The following PTPRD variants were observed in gnomAD, a reference collection of about 807,000 sequenced individuals.
PTPRD encodes the protein protein tyrosine phosphatase receptor type D.
PTPRD carries 34 observed loss-of-function variants against 214.5 expected under a neutral mutation model. That is an observed-to-expected ratio of 0.16 (90% CI 0.12 to 0.21). The LOEUF (loss-of-function observed/expected upper bound fraction) is 0.21, where lower values mean the gene tolerates loss of function less well. Ranked by LOEUF, PTPRD falls within the 10% of genes least tolerant of loss-of-function variation. The pLI is 1.00. For synonymous variants in PTPRD, 1,128 were observed against 845.7 expected (o/e 1.33, Z -5.79); for missense variants, 2,545 against 2,398.7 (o/e 1.06, Z -1.27).
At chr9:9,869,327 A>G (rs2064840713) in intron 5 of PTPRD, among the ~76,000 whole-genome samples, 2 of 152,288 alleles carry the variant, frequency 1.3e-5, no homozygotes, top group South Asian at 4.1e-4. Flanking sequence ...TAAAACCACT[A>G]ATAAAACAAT....
chr9:9,897,612 A>T (rs2153799274), intron 5 of PTPRD, among the ~76,000 whole-genome samples: 1 of 152,204 alleles, frequency 6.6e-6, no homozygotes, highest in South Asian at 2.1e-4. Flanking sequence ...TTTCTGACTG[A>T]GAATATATAC....
intron 9 of PTPRD, among the ~76,000 whole-genome samples, chr9:9,331,692 G>A (rs527517153): frequency 2.0e-5 from 3 of 152,034 alleles, no homozygotes; most frequent in Non-Finnish European, 2.9e-5. Flanking sequence ...AACATTTACA[G>A]AATAGAAGTC....
intron 12 of PTPRD, among the ~76,000 whole-genome samples, chr9:8,716,096 A>C (rs2098431848): frequency 6.6e-6 from 1 of 152,208 alleles, no homozygotes; most frequent in Admixed American, 6.5e-5. Flanking sequence ...CAACCAAGCT[A>C]TTTAATTGCG....
intron 30 of PTPRD, among the ~76,000 whole-genome samples, chr9:8,483,340 T>TC (rs1222803820): frequency 3.3e-5 from 5 of 152,298 alleles, no homozygotes; most frequent in South Asian, 2.1e-4. Context: ...TTATCTAATT[T>TC]CCCCCCCTTT....
intron 8 of PTPRD, among the ~76,000 whole-genome samples, chr9:9,446,072 T>C (rs2090297406): frequency 6.6e-6 from 1 of 152,224 alleles, no homozygotes; most frequent in Non-Finnish European, 1.5e-5. Flanking sequence ...AAGATTATTT[T>C]ATGAAAGCCA....
In PTPRD at chr9:8,811,954, G is replaced by C. The variant is rs572036088; in HGVS notation, c.-103-78008C>G. ...AGGCCTGAGTGAAGATCTGCACAGG[G>C]AAGCTTCGAGGAGATCAACACAGAT... On this transcript the variant is annotated intron_variant, in intron 11 of 45. Transcript: ENST00000381196. 2.7e-5 allele frequency among the ~76,000 whole-genome samples: 4 copies of C among 150,786 alleles called. No individual in the cohort carries two copies. In the East Asian group the frequency reaches 7.9e-4, roughly 30 times the overall value.
At chr9:9,426,010 T>C (rs1279057105) in intron 8 of PTPRD, among the ~76,000 whole-genome samples, 3 of 152,016 alleles carry the variant, frequency 2.0e-5, no homozygotes, top group Non-Finnish European at 4.4e-5. Flanking sequence ...TTTCTGCATT[T>C]CCAACTGAGG....
chr9:9,969,338 C>G (rs2094932443), intron 4 of PTPRD, among the ~76,000 whole-genome samples: 1 of 152,118 alleles, frequency 6.6e-6, no homozygotes, highest in Non-Finnish European at 1.5e-5. Context: ...ATTAAACTCT[C>G]TCTTTCCTCC....
At chr9:10,102,065 A>G (rs1192593267) in intron 3 of PTPRD, among the ~76,000 whole-genome samples, 1 of 151,764 alleles carries the variant, frequency 6.6e-6, no homozygotes, top group African/African-American at 2.4e-5. Flanking sequence ...AGATATGTTA[A>G]ATTTTTACCC....
In PTPRD at chr9:8,757,661, TATATACATAC is replaced by T. The variant is rs1264741575; in HGVS notation, c.-103-23725_-103-23716del. On this transcript the variant is annotated intron_variant, in intron 11 of 45. Transcript: ENST00000381196. ...ATATATACATACATATATACATATATATATACATACATATATATATATACATAAAAACATT... is the reference window on the plus strand; with the variant it reads ...ATATATACATACATATATACATATATATATATATATATACATAAAAACATT... Among the ~76,000 whole-genome samples, 328 of 144,062 alleles carry T rather than the reference TATATACATAC, an allele frequency of 2.3e-3. 1 individual carries two copies. The highest frequency in any genetic ancestry group is 6.1e-3 in the African/African-American group (224 of 37,016). The allele number at this position is 144,062 out of a possible 152,430, so 94.5% of individuals were successfully genotyped here.
chr9:8,585,770 T>C (rs1294688143), intron 14 of PTPRD, among the ~76,000 whole-genome samples: 1 of 152,240 alleles, frequency 6.6e-6, no homozygotes, highest in African/African-American at 2.4e-5. Flanking sequence ...TGCTTGCATT[T>C]TGCCAGGCAC....
chr9:9,357,141 T>C (rs1047178271), intron 9 of PTPRD, among the ~76,000 whole-genome samples: 4 of 151,398 alleles, frequency 2.6e-5, no homozygotes, highest in Non-Finnish European at 5.9e-5. Flanking sequence ...AAGAAGTCTC[T>C]TATTTTAACG....
chr9:9,231,785 G>C (rs1316939287), intron 9 of PTPRD, among the ~76,000 whole-genome samples: 1 of 151,916 alleles, frequency 6.6e-6, no homozygotes, highest in East Asian at 1.9e-4. Context: ...ACAACGTACA[G>C]GTTTGTTACA....
intron 9 of PTPRD, among the ~76,000 whole-genome samples, chr9:9,241,476 G>C (rs1199585245): frequency 6.6e-6 from 1 of 152,036 alleles, no homozygotes; most frequent in Non-Finnish European, 1.5e-5. Flanking sequence ...AATATGACCA[G>C]ACAACTTTGA....
intron 2 of PTPRD, among the ~76,000 whole-genome samples, chr9:10,387,813 A>G (rs1288004690): frequency 1.9e-5 from 2 of 105,128 alleles, no homozygotes; most frequent in African/African-American, 7.0e-5. Context: ...AAAAAAAAAG[A>G]TTTTGTCTTT....
chr9:8,936,769 A>G (rs867153796), intron 11 of PTPRD, among the ~76,000 whole-genome samples: 1 of 152,216 alleles, frequency 6.6e-6, no homozygotes, highest in Non-Finnish European at 1.5e-5. Flanking sequence ...GATTTTGGCT[A>G]TCATAAATGT....
intron 4 of PTPRD, among the ~76,000 whole-genome samples, chr9:10,019,785 G>T (rs182655178): frequency 1.7e-4 from 25 of 150,074 alleles, no homozygotes; most frequent in Admixed American, 1.3e-3. Context: ...TGTGGGGTGG[G>T]GGGGAGCTGG....
At chr9:9,788,435 C>T (rs2098942196) in intron 5 of PTPRD, among the ~76,000 whole-genome samples, 2 of 151,226 alleles carry the variant, frequency 1.3e-5, no homozygotes, top group South Asian at 2.1e-4. Context: ...GCCTGTAGTC[C>T]CAGCTGCTGG....
At chr9:8,764,142 G>C (rs1252801646) in intron 11 of PTPRD, among the ~76,000 whole-genome samples, 2 of 152,162 alleles carry the variant, frequency 1.3e-5, no homozygotes, top group East Asian at 1.9e-4. Context: ...CTGCAGTTAA[G>C]TCTCAGTCCT....
Sources: allele counts gnomAD v4.1 joint callset (sites outside exome capture counted in the v4.1 genomes callset), GRCh38; gene constraint gnomAD v4.1.1; transcripts MANE v1.5; gene names NCBI Gene and HGNC (gene_info 2026-07-23, HGNC 2026-07-21).